The following KDM6A variants were observed in gnomAD, a reference collection of about 807,000 sequenced individuals.
KDM6A encodes lysine demethylase 6A, also known as lysine-specific demethylase 6A.
A neutral mutation model predicts 117.6 loss-of-function variants in KDM6A; 11 were observed. That is an observed-to-expected ratio of 0.09 (90% CI 0.06 to 0.15). The LOEUF (loss-of-function observed/expected upper bound fraction) is 0.15. Ranked by LOEUF, KDM6A falls within the 10% of genes least tolerant of loss-of-function variation. The probability of loss-of-function intolerance (pLI) is 1.00; values close to 1 mark genes in which losing one functional copy is unlikely to be tolerated. For synonymous variants in KDM6A, 384 were observed against 396.1 expected, an observed-to-expected ratio of 0.97 and a Z score of 0.36; for missense variants, 799 against 1,077.3, an observed-to-expected ratio of 0.74 and a Z score of 3.62.
intron 2 of KDM6A, among the ~76,000 whole-genome samples, chrX:44,952,748 T>C (rs927309491): frequency 9.0e-6 from 1 of 111,312 alleles, no homozygotes; most frequent in Non-Finnish European, 1.9e-5. Context: ...TGTGTGTTAA[T>C]GATTATTTCA....
At chrX:45,041,109 TGGCCG>T (rs1257397058) in intron 8 of KDM6A, among the ~76,000 whole-genome samples, 1 of 69,469 alleles carries the variant, frequency 1.4e-5, no homozygotes. Context: ...ACGGGGTGGC[TGGCCG>T]GGCGGGGGGC....
chrX:44,932,610 T>C (rs2036700081), intron 2 of KDM6A, among the ~76,000 whole-genome samples: 4 of 111,900 alleles, frequency 3.6e-5, no homozygotes, highest in African/African-American at 1.3e-4. Context: ...TTCACTTAAC[T>C]GCCCTTTCTT....
At chrX:44,900,593 G>A (rs1022006560) in intron 2 of KDM6A, among the ~76,000 whole-genome samples, 9 of 111,909 alleles carry the variant, frequency 8.0e-5, no homozygotes, top group Non-Finnish European at 1.7e-4. Context: ...AAGTTTAGCC[G>A]TTTTGTTATT....
intron 10 of KDM6A, among the ~76,000 whole-genome samples, chrX:45,056,262 C>T (rs780501037): frequency 9.0e-6 from 1 of 111,525 alleles, no homozygotes; most frequent in South Asian, 3.7e-4. Flanking sequence ...TGTGTTGCTT[C>T]TAATCTGTTT....
intron 2 of KDM6A, among the ~76,000 whole-genome samples, chrX:44,919,637 A>T (rs1318299439): frequency 1.1e-5 from 1 of 94,691 alleles, no homozygotes; most frequent in East Asian, 3.3e-4. Flanking sequence ...ATTTCAATAT[A>T]TATCTTTTTT....
At chrX:44,905,875 A>T (rs2034621473) in intron 2 of KDM6A, among the ~76,000 whole-genome samples, 1 of 112,619 alleles carries the variant, frequency 8.9e-6, no homozygotes, top group Non-Finnish European at 1.9e-5. Context: ...AAACAAGTTT[A>T]TGACTTTTTG....
At chrX:45,065,460 C>G (rs2044489212) in intron 17 of KDM6A, among the ~76,000 whole-genome samples, 2 of 111,624 alleles carry the variant, frequency 1.8e-5, no homozygotes, top group South Asian at 7.5e-4. Context: ...TTGACTAGGT[C>G]CTCTTTGGTA....
At chrX:45,042,873 G>T (rs1052942005) in intron 8 of KDM6A, among the ~76,000 whole-genome samples, 6 of 112,728 alleles carry the variant, frequency 5.3e-5, no homozygotes, top group Middle Eastern at 4.2e-3. Flanking sequence ...ACCTTCACAG[G>T]TTTAAATACT....
chrX:44,987,124 G>A (rs2040274796), intron 4 of KDM6A, among the ~76,000 whole-genome samples: 1 of 111,822 alleles, frequency 8.9e-6, no homozygotes, highest in Non-Finnish European at 1.9e-5. Flanking sequence ...ATTTAGGATA[G>A]TTAGCTCTTC....
At chrX:45,067,948 G>A in intron 17 of KDM6A, among the ~76,000 whole-genome samples, 2 of 111,066 alleles carry the variant, frequency 1.8e-5, no homozygotes, top group Middle Eastern at 9.3e-3. Flanking sequence ...CACTGCGCCT[G>A]GCCAATGTGT....
chrX:45,020,764 T>G (rs771364816), intron 6 of KDM6A, 34 bp downstream of exon 6: 16 of 1,196,316 alleles, frequency 1.3e-5, no homozygotes. Context: ...ATACAATGTT[T>G]AATTTTGTGG....
intron 4 of KDM6A, 69 bp downstream of exon 4, chrX:44,974,784 A>G: frequency 1.3e-6 from 1 of 781,438 alleles, no homozygotes; most frequent in Non-Finnish European, 2.0e-6. Context: ...TATACTCAAA[A>G]TTAATTGAGC....
chrX:45,012,036 C>G (rs1313036145), intron 5 of KDM6A, among the ~76,000 whole-genome samples: 1 of 110,431 alleles, frequency 9.1e-6, no homozygotes, highest in Admixed American at 9.7e-5. Flanking sequence ...ATGCTCCCAC[C>G]TCAGCCTCCC....
intron 6 of KDM6A, among the ~76,000 whole-genome samples, chrX:45,026,562 T>C (rs1200124297): frequency 1.8e-5 from 2 of 110,064 alleles, no homozygotes; most frequent in Non-Finnish European, 3.8e-5. Flanking sequence ...GCGCAGTGGC[T>C]CACGCCTGTA....
intron 2 of KDM6A, among the ~76,000 whole-genome samples, chrX:44,909,745 A>C (rs1407548173): frequency 2.7e-5 from 3 of 112,140 alleles, no homozygotes; most frequent in Non-Finnish European, 3.8e-5. Context: ...TAGTCTAATA[A>C]AGATGGCTGC....
chrX:45,064,614 C>T (rs2044452856), intron 17 of KDM6A, among the ~76,000 whole-genome samples: 1 of 111,728 alleles, frequency 9.0e-6, no homozygotes, highest in Admixed American at 9.5e-5. Flanking sequence ...TATGGGTACT[C>T]GCTGAGGTGA....
chrX:45,094,139 A>G (rs1265158776), intron 27 of KDM6A, among the ~76,000 whole-genome samples: 2 of 111,943 alleles, frequency 1.8e-5, no homozygotes, highest in Non-Finnish European at 3.8e-5. Context: ...TCAGCAGCCA[A>G]CATGGCTCCC....
chrX:44,893,584 A>C (rs2033570819), intron 2 of KDM6A, among the ~76,000 whole-genome samples: 1 of 102,142 alleles, frequency 9.8e-6, no homozygotes, highest in Non-Finnish European at 2.0e-5. Context: ...ATCTGGGCTC[A>C]CCACAACCTC....
intron 2 of KDM6A, among the ~76,000 whole-genome samples, chrX:44,880,342 C>G (rs1429655686): frequency 9.1e-6 from 1 of 109,416 alleles, no homozygotes; most frequent in Non-Finnish European, 1.9e-5. Flanking sequence ...AATTCTCTGA[C>G]AGAGTTTGGA....
Sources: gnomAD v4.1 joint callset for allele counts (sites outside exome capture counted in the v4.1 genomes callset) on GRCh38, gnomAD v4.1.1 for gene constraint, MANE v1.5 for transcripts, NCBI Gene and HGNC (gene_info 2026-07-23, HGNC 2026-07-21) for gene names.